The following TBCD variants were observed in gnomAD, a reference collection of about 807,000 sequenced individuals.
TBCD encodes tubulin folding cofactor D.
A neutral mutation model predicts 169.3 loss-of-function variants in TBCD; 105 were observed. That is an observed-to-expected ratio of 0.62 (90% CI 0.53 to 0.73). The LOEUF (loss-of-function observed/expected upper bound fraction) is 0.73, where lower values mean the gene tolerates loss of function less well. Ranked by LOEUF, TBCD falls within the 30% of genes least tolerant of loss-of-function variation. The pLI is 0.00. For synonymous variants in TBCD, 700 were observed against 643.9 expected, an observed-to-expected ratio of 1.09 and a Z score of -1.32; for missense variants, 1,444 against 1,600.1, an observed-to-expected ratio of 0.90 and a Z score of 1.66.
rs781781281 is a variant in TBCD, at chr17:82,779,576, C to T, written c.639-2013C>T. ...GCCAGCCGTCCTGTCAGCTGGGCAG[C>T]GCTTCTGTTTTGTGAGGGCCATGAC... On this transcript the variant is annotated intron_variant, in intron 6 of 38. Transcript: ENST00000355528. 7.2e-5 allele frequency among the ~76,000 whole-genome samples: 11 copies of T among 152,180 alleles called. 1 individual carries two copies. Among genetic ancestry groups the T allele is most frequent in the Admixed American group, 5.2e-4 (8 of 15,278 alleles).
chr17:82,863,332 C>T (rs903278455), intron 13 of TBCD, among the ~76,000 whole-genome samples: 5 of 152,158 alleles, frequency 3.3e-5, no homozygotes, highest in South Asian at 2.1e-4. Context: ...GCTGTGGCTT[C>T]GCAGACCCGG....
intron 13 of TBCD, among the ~76,000 whole-genome samples, chr17:82,824,682 TC>T (rs1408153781): frequency 6.6e-6 from 1 of 152,230 alleles, no homozygotes; most frequent in African/African-American, 2.4e-5. Flanking sequence ...CATTCATTTG[TC>T]AGTGGACGCT....
At chr17:82,847,122 T>C (rs150809914) in intron 13 of TBCD, among the ~76,000 whole-genome samples, 7,324 of 151,166 alleles carry the variant, frequency 0.048, 291 homozygotes, top group African/African-American at 0.11. Context: ...GAGGCCAAGG[T>C]GGGCGGATCA....
chr17:82,840,968 T>TTTTTTTTG lies in TBCD; in HGVS notation c.1318+26041_1318+26042insGTTTTTTT, dbSNP rs1567869702. On this transcript the variant is annotated intron_variant, in intron 13 of 38. Coordinates refer to ENST00000355528, the MANE Select transcript of TBCD (RefSeq NM_005993.5). ...CAGACAAACTGGTTTTTTTTTTTTT[T>TTTTTTTTG]TTTTTTTTTTTTTTTGAGACAGAGT... Among the ~76,000 whole-genome samples the TTTTTTTTG allele has an allele frequency of 5.6e-4, 78 of 138,694 alleles. 1 individual carries two copies. The highest frequency in any genetic ancestry group is 1.9e-3 in the African/African-American group (72 of 37,092). The allele number at this position is 138,694 out of a possible 152,430, so 91.0% of individuals were successfully genotyped here.
chr17:82,825,655 C>T (rs975135513), intron 13 of TBCD, among the ~76,000 whole-genome samples: 4 of 152,168 alleles, frequency 2.6e-5, no homozygotes, highest in Non-Finnish European at 4.4e-5. Flanking sequence ...GTGACAAACT[C>T]TGTATCCCTC....
In TBCD at chr17:82,884,020, C is replaced by G; in HGVS notation, c.1476-125C>G. ...CCTGGGTGCCTCAAGCTGTGTGTTG[C>G]CTGTGGGGCATGTCTGAACCTCAAG... On this transcript the variant is annotated intron_variant, in intron 14 of 38. Transcript: ENST00000355528. This position sits in a 1 kb window ranked among gnomAD's most constrained non-coding sequence, Gnocchi z 4.2. 2 of 862,488 alleles carry G rather than the reference C, an allele frequency of 2.3e-6. No individual in the cohort carries two copies. The highest frequency in any genetic ancestry group is 3.7e-6 in the Non-Finnish European group (2 of 540,506). The allele number at this position is 862,488 out of a possible 1,614,324, so 53.4% of individuals were successfully genotyped here.
In TBCD at chr17:82,920,732, A is replaced by G. The variant is rs74001733; in HGVS notation, c.2101+114A>G. ...TAAACGATTATAGCTTAAAGGTTCA[A>G]GATATTAATCGGATACGTTGCCTTG... On this transcript the variant is annotated intron_variant, in intron 24 of 38. Transcript: ENST00000355528. This position sits in a 1 kb window ranked among gnomAD's most constrained non-coding sequence, Gnocchi z 4.1. 6.7e-3 allele frequency: 6,538 copies of G among 976,748 alleles called. 300 individuals are homozygous for G. The African/African-American group carries it at 0.095, about 14-fold the overall frequency. The allele number at this position is 976,748 out of a possible 1,614,324, so 60.5% of individuals were successfully genotyped here.
chr17:82,785,405 GA>G (rs2049241597), intron 7 of TBCD, among the ~76,000 whole-genome samples: 1 of 15,410 alleles, frequency 6.5e-5, no homozygotes, highest in African/African-American at 2.8e-4. Flanking sequence ...CACTGGACCC[GA>G]CCCATCGCAG....
chr17:82,831,404 C>T lies in TBCD; in HGVS notation c.1318+16470C>T, dbSNP rs377565207. The T allele has an allele frequency of 3.7e-6, 6 of 1,614,158 alleles. 1 individual carries two copies. Among genetic ancestry groups the T allele is most frequent in the Middle Eastern group, 3.3e-4 (2 of 6,062 alleles). On this transcript the variant is annotated intron_variant, in intron 13 of 38. Transcript: ENST00000355528. The surrounding 1 kb of genome is among the most constrained non-coding windows in gnomAD (Gnocchi z 4.6). Reference sequence around the variant, plus strand: ...GCTGGATAGACCAGGGTGGCTTCTTCAAGCAGGTGAGAGCTCTGATCTCGG... The same window carrying T: ...GCTGGATAGACCAGGGTGGCTTCTTTAAGCAGGTGAGAGCTCTGATCTCGG...
intron 17 of TBCD, among the ~76,000 whole-genome samples, chr17:82,894,369 G>A (rs1332923905): frequency 6.6e-6 from 1 of 152,324 alleles, no homozygotes; most frequent in South Asian, 2.1e-4. Context: ...AGGCTGGAGT[G>A]CAGTGGGGTG....
rs745387162 is a variant in TBCD, at chr17:82,874,023, C to T, written c.1475+3643C>T. ...CCCCGTGAGGGTCCTGACTGGGGCT[C>T]CTCTTTTGGAGCAGCTGCCACGTGT... is the stretch of plus-strand genomic sequence containing the variant. On this transcript the variant is annotated intron_variant, in intron 14 of 38. Transcript: ENST00000355528. This position sits in a 1 kb window ranked among gnomAD's most constrained non-coding sequence, Gnocchi z 5.0. 2.6e-5 allele frequency among the ~76,000 whole-genome samples: 4 copies of T among 152,204 alleles called. No homozygotes were observed. Among genetic ancestry groups the T allele is most frequent in the South Asian group, 2.1e-4 (1 of 4,830 alleles).
chr17:82,825,535 T>C (rs1433406496), intron 13 of TBCD, among the ~76,000 whole-genome samples: 2 of 152,272 alleles, frequency 1.3e-5, no homozygotes, highest in East Asian at 1.9e-4. Context: ...TTTAGGCTGG[T>C]GTAGTGGTTG....
rs116250220 is a variant in TBCD, at chr17:82,768,402, C to G, written c.436-18C>G. 20 of 1,613,360 alleles carry G rather than the reference C, an allele frequency of 1.2e-5. No homozygotes were observed. Among genetic ancestry groups the G allele is most frequent in the Non-Finnish European group, 1.5e-5 (18 of 1,179,572 alleles). The stretch of plus-strand genomic sequence containing the variant: ...ATTTTCAAGCAAGACTCATTCTTCC[C>G]GTGGTTTAATTTTTTAGGCTTGGGA... On this transcript the variant is annotated intron_variant, in intron 4 of 38. Transcript: ENST00000355528.
intron 13 of TBCD, chr17:82,830,178 T>A: frequency 6.2e-7 from 1 of 1,614,192 alleles, no homozygotes; most frequent in East Asian, 2.2e-5. Context: ...GTGTGAACAC[T>A]CTGGCCGTGT....
intron 13 of TBCD, chr17:82,830,961 C>G (rs1374887396): frequency 1.9e-6 from 3 of 1,613,338 alleles, no homozygotes; most frequent in Non-Finnish European, 2.5e-6. Context: ...ATAAGCCTGG[C>G]TCATGGAACC....
At chr17:82,820,134 T>C (rs2052293114) in intron 13 of TBCD, among the ~76,000 whole-genome samples, 1 of 152,004 alleles carries the variant, frequency 6.6e-6, no homozygotes, top group Non-Finnish European at 1.5e-5. Flanking sequence ...CCCGCCACCA[T>C]GCCCAGCCAA....
At chr17:82,818,644 C>T (rs1452670491) in intron 13 of TBCD, among the ~76,000 whole-genome samples, 30 of 152,188 alleles carry the variant, frequency 2.0e-4, no homozygotes, top group Non-Finnish European at 1.5e-5. Context: ...CTGTGGGAGC[C>T]AGGAAGTCTT....
Position 82,789,178 on chromosome 17 carries a change from A to C in TBCD, c.771+7457A>C, listed in dbSNP as rs960825522. On this transcript the variant is annotated intron_variant, in intron 7 of 38. Coordinates refer to ENST00000355528, the MANE Select transcript of TBCD (RefSeq NM_005993.5). This position sits in a 1 kb window ranked among gnomAD's most constrained non-coding sequence, Gnocchi z 4.8. ...TGGGTGAAACGAGGTACCCCAGGCC[A>C]CGCTGGTTCGGTCTCCTCGTGGCGT... 4.6e-5 allele frequency among the ~76,000 whole-genome samples: 7 copies of C among 152,180 alleles called. No homozygotes were observed. Among genetic ancestry groups the C allele is most frequent in the Non-Finnish European group, 8.8e-5 (6 of 68,042 alleles).
intron 13 of TBCD, among the ~76,000 whole-genome samples, chr17:82,867,389 C>T (rs537332472): frequency 3.3e-5 from 5 of 152,320 alleles, no homozygotes; most frequent in Middle Eastern, 3.4e-3. Context: ...ATGGAGTTGC[C>T]GGGTGGTCGT....
Sources: allele counts gnomAD v4.1 joint callset (sites outside exome capture counted in the v4.1 genomes callset), GRCh38; gene constraint gnomAD v4.1.1; non-coding constraint Gnocchi (gnomAD v3.1); transcripts MANE v1.5; gene names NCBI Gene and HGNC (gene_info 2026-07-23, HGNC 2026-07-21).